Variants in THSD4 observed in about 807,000 individuals in gnomAD.
THSD4 encodes thrombospondin type-1 domain-containing protein 4.
THSD4 carries 69 observed loss-of-function variants against 119.0 expected under a neutral mutation model. The ratio of observed to expected loss-of-function variants is 0.58; its 90% CI spans 0.48 to 0.71. The LOEUF (loss-of-function observed/expected upper bound fraction) is 0.71, where lower values mean the gene tolerates loss of function less well. Ranked by LOEUF, THSD4 falls within the 30% of genes least tolerant of loss-of-function variation. The probability of loss-of-function intolerance (pLI) is 0.00; values close to 1 mark genes in which losing one functional copy is unlikely to be tolerated. For synonymous variants in THSD4, 524 were observed against 540.4 expected (o/e 0.97, Z 0.42); for missense variants, 1,393 against 1,391.1 (o/e 1.00, Z -0.02).
chr15:71,237,696 G>A (rs1356427081), intron 4 of THSD4, among the ~76,000 whole-genome samples: 6 of 152,164 alleles, frequency 3.9e-5, no homozygotes, highest in East Asian at 1.9e-4. Context: ...GTTGATGCTC[G>A]GGAGAGGGAT....
At chr15:71,389,548 G>C (rs12908410) in intron 6 of THSD4, among the ~76,000 whole-genome samples, 111,823 of 151,212 alleles carry the variant, frequency 0.74, 41,839 homozygotes, top group Middle Eastern at 0.9. Flanking sequence ...CTGATGGGCA[G>C]TTGATTGCTT....
intron 7 of THSD4, among the ~76,000 whole-genome samples, chr15:71,561,434 T>C (rs2049115207): frequency 6.6e-6 from 1 of 152,180 alleles, no homozygotes; most frequent in Non-Finnish European, 1.5e-5. Flanking sequence ...TGGAGAAAGA[T>C]TCTTTATATA....
chr15:71,203,125 A>G (rs1001474531), intron 3 of THSD4, among the ~76,000 whole-genome samples: 1 of 152,130 alleles, frequency 6.6e-6, no homozygotes, highest in Non-Finnish European at 1.5e-5. Flanking sequence ...AAGAGAGAGC[A>G]TTGGAGCTGA....
chr15:71,290,675 A>T (rs2044778386), intron 6 of THSD4, among the ~76,000 whole-genome samples: 1 of 152,236 alleles, frequency 6.6e-6, no homozygotes, highest in South Asian at 2.1e-4. Flanking sequence ...ATAATACATA[A>T]ATTAGTTACC....
intron 6 of THSD4, among the ~76,000 whole-genome samples, chr15:71,409,163 C>T (rs912470418): frequency 2.0e-5 from 3 of 147,190 alleles, no homozygotes; most frequent in African/African-American, 7.6e-5. Flanking sequence ...TTTCCCCCCC[C>T]CTCAGAATGT....
intron 8 of THSD4, among the ~76,000 whole-genome samples, chr15:71,725,985 G>T (rs1399250840): frequency 6.6e-6 from 1 of 152,072 alleles, no homozygotes; most frequent in African/African-American, 2.4e-5. Flanking sequence ...TTCTCCATTT[G>T]TTCAGGCTGG....
At position 71,713,458 on chromosome 15, in the gene THSD4, T is replaced by C. The variant is rs2052552420; in HGVS notation, c.1358-15091T>C. 2.0e-5 allele frequency among the ~76,000 whole-genome samples: 3 copies of C among 152,166 alleles called. No homozygotes were observed. The South Asian group carries it at 6.2e-4, about 32-fold the overall frequency. On this transcript the variant is annotated intron_variant, in intron 8 of 17. Coordinates refer to ENST00000261862, the MANE Select transcript of THSD4 (RefSeq NM_024817.3). ...TTTCAGCAGCTGTTGCCCCTTGGGG[T>C]TCTGAAAAAGAGATATAGTGGGGTT...
intron 7 of THSD4, among the ~76,000 whole-genome samples, chr15:71,507,754 C>T (rs915793291): frequency 3.9e-5 from 6 of 152,172 alleles, no homozygotes; most frequent in African/African-American, 1.2e-4. Context: ...TGGAATGTTA[C>T]TTTGAGTTGT....
intron 7 of THSD4, among the ~76,000 whole-genome samples, chr15:71,636,063 G>A (rs185796709): frequency 3.3e-5 from 5 of 152,250 alleles, no homozygotes; most frequent in Non-Finnish European, 7.4e-5. Flanking sequence ...ACAGACTAGA[G>A]TTTCATCCAG....
intron 16 of THSD4, chr15:71,767,564 G>A (rs1420765923): frequency 6.6e-6 from 1 of 152,194 alleles, no homozygotes; most frequent in African/African-American, 2.4e-5. Flanking sequence ...TTGAGAAGTA[G>A]GATGTTCAAA....
chr15:71,773,631 C>G (rs1396041597), intron 17 of THSD4, among the ~76,000 whole-genome samples: 2 of 152,176 alleles, frequency 1.3e-5, no homozygotes, highest in Non-Finnish European at 2.9e-5. Flanking sequence ...CTGTCAATGC[C>G]AAAGTTACTA....
At chr15:71,479,180 C>CTTTTTTTT (rs5813637) in intron 7 of THSD4, among the ~76,000 whole-genome samples, 6 of 80,142 alleles carry the variant, frequency 7.5e-5, no homozygotes, top group African/African-American at 2.5e-4. Context: ...TTTCTTCTGC[C>CTTTTTTTT]TTTTTTTTTT....
intron 8 of THSD4, among the ~76,000 whole-genome samples, chr15:71,685,276 A>G (rs1351315957): frequency 2.0e-5 from 3 of 151,772 alleles, no homozygotes; most frequent in Non-Finnish European, 4.4e-5. Flanking sequence ...CTGTTTTCTC[A>G]GTGGTTCTTA....
At chr15:71,670,078 G>A (rs1220096317) in intron 8 of THSD4, among the ~76,000 whole-genome samples, 3 of 152,046 alleles carry the variant, frequency 2.0e-5, no homozygotes, top group Non-Finnish European at 4.4e-5. Flanking sequence ...CACTTCGGGT[G>A]TACCTTTTTT....
chr15:71,199,745 G>GTGTAGTGTGTA (rs2043770342), intron 3 of THSD4, among the ~76,000 whole-genome samples: 2 of 149,282 alleles, frequency 1.3e-5, no homozygotes, highest in African/African-American at 5.0e-5. Flanking sequence ...TGTAGTGTGT[G>GTGTAGTGTGTA]TGGGTGTGTG....
intron 6 of THSD4, among the ~76,000 whole-genome samples, chr15:71,291,545 G>C (rs559170821): frequency 6.6e-5 from 10 of 152,294 alleles, no homozygotes; most frequent in African/African-American, 2.2e-4. Flanking sequence ...TTACTTGAGG[G>C]AGGGTCAGCC....
intron 6 of THSD4, among the ~76,000 whole-genome samples, chr15:71,284,983 A>G (rs745939735): frequency 6.6e-6 from 1 of 151,976 alleles, no homozygotes; most frequent in African/African-American, 2.4e-5. Flanking sequence ...ATATTCAACC[A>G]CTGTCTGCAT....
chr15:71,516,829 A>C (rs1052767756), intron 7 of THSD4, among the ~76,000 whole-genome samples: 2 of 152,222 alleles, frequency 1.3e-5, no homozygotes, highest in South Asian at 2.1e-4. Context: ...GTAGTACATA[A>C]TATATCTCAC....
chr15:71,169,743 C>T (rs1488140700), intron 3 of THSD4, among the ~76,000 whole-genome samples: 1 of 152,116 alleles, frequency 6.6e-6, no homozygotes. Flanking sequence ...AGTTATCACT[C>T]AGAGATAGAA....
Sources: allele counts gnomAD v4.1 joint callset (sites outside exome capture counted in the v4.1 genomes callset), GRCh38; gene constraint gnomAD v4.1.1; transcripts MANE v1.5; gene names NCBI Gene and HGNC (gene_info 2026-07-23, HGNC 2026-07-21).